ZNF253: variants seen among roughly 807,000 people sequenced by gnomAD.
ZNF253 encodes the protein DNA-binding protein.
ZNF253 carries 8 observed loss-of-function variants against 11.9 expected under a neutral mutation model. The ratio of observed to expected loss-of-function variants is 0.67; its 90% CI spans 0.40 to 1.22. The LOEUF (loss-of-function observed/expected upper bound fraction) is 1.22, where lower values mean the gene tolerates loss of function less well. ZNF253 is among the 50% of genes most tolerant of loss of function. ZNF253 has a pLI of 0.01. For synonymous variants in ZNF253, 194 were observed against 194.9 expected, an observed-to-expected ratio of 1.00 and a Z score of 0.04; for missense variants, 485 against 586.9, an observed-to-expected ratio of 0.83 and a Z score of 1.79.
chr19:19,871,988 A>C (rs185934468), intron 1 of ZNF253, among the ~76,000 whole-genome samples: 1 of 152,128 alleles, frequency 6.6e-6, no homozygotes, highest in African/African-American at 2.4e-5. Context: ...AGCAAAGTGC[A>C]TGCTGTCCCC....
At chr19:19,872,561 C>CTATGTATATATATATATATA (rs2063137771) in intron 1 of ZNF253, among the ~76,000 whole-genome samples, 1 of 121,996 alleles carries the variant, frequency 8.2e-6, no homozygotes, top group Non-Finnish European at 1.6e-5. Context: ...TAAACCATAA[C>CTATGTATATATATATATATA]TATATATATA....
chr19:19,881,756 A>G lies in ZNF253; in HGVS notation c.226+1610A>G, dbSNP rs868852471. ...TTTATTAGTTTAGACAGGGTTTAAT[A>G]TACTGTTTATGGTTTTTTAAATATG... On this transcript the variant is annotated intron_variant, in intron 3 of 3. Transcript: ENST00000589717. Among the ~76,000 whole-genome samples the G allele has an allele frequency of 3.9e-5, 6 of 152,098 alleles. No individual in the cohort carries two copies. In the South Asian group the frequency reaches 1.2e-3, roughly 32 times the overall value.
intron 1 of ZNF253, among the ~76,000 whole-genome samples, chr19:19,869,885 G>T (rs1400991843): frequency 6.6e-6 from 1 of 151,428 alleles, no homozygotes; most frequent in Middle Eastern, 3.2e-3. Flanking sequence ...TGGTCAGACT[G>T]GTCTCGAACT....
At chr19:19,874,549 G>A (rs2063146751) in intron 1 of ZNF253, among the ~76,000 whole-genome samples, 2 of 150,328 alleles carry the variant, frequency 1.3e-5, no homozygotes, top group African/African-American at 4.9e-5. Context: ...AAAACCTTTG[G>A]GGATTTGTTT....
intron 1 of ZNF253, among the ~76,000 whole-genome samples, chr19:19,872,584 TA>T (rs1281641016): frequency 6.9e-5 from 5 of 72,828 alleles, no homozygotes; most frequent in African/African-American, 1.4e-4. Context: ...TATATATTAT[TA>T]TATATATATA....
intron 3 of ZNF253, among the ~76,000 whole-genome samples, chr19:19,890,502 G>GTA (rs1468934754): frequency 8.2e-6 from 1 of 122,342 alleles, no homozygotes; most frequent in Non-Finnish European, 1.8e-5. Flanking sequence ...TTATATTTGT[G>GTA]TGTGTGTGTG....
At position 19,878,363 on chromosome 19, in the gene ZNF253, ATT is replaced by A; in HGVS notation, c.4-115_4-114del. 4 of 1,550,498 alleles carry A rather than the reference ATT, an allele frequency of 2.6e-6. No homozygotes were observed. The Admixed American group carries it at 7.5e-5, about 29-fold the overall frequency. ...GGGTTGAAAAATATTTTATTGGATAATTTTAGGCAGTCCTTTGAGTCAGAACC... is the reference window on the plus strand; with the variant it reads ...GGGTTGAAAAATATTTTATTGGATAATTAGGCAGTCCTTTGAGTCAGAACC... On this transcript the variant is annotated intron_variant, in intron 1 of 3. Coordinates refer to ENST00000589717, the MANE Select transcript of ZNF253 (RefSeq NM_021047.3).
intron 3 of ZNF253, among the ~76,000 whole-genome samples, chr19:19,890,427 C>T (rs1599559403): frequency 1.3e-5 from 2 of 151,088 alleles, no homozygotes; most frequent in Admixed American, 6.6e-5. Flanking sequence ...TCATAGATGC[C>T]AGAAATAAAG....
At chr19:19,890,498 T>TTGTG (rs35114806) in intron 3 of ZNF253, among the ~76,000 whole-genome samples, 9,765 of 140,908 alleles carry the variant, frequency 0.069, 449 homozygotes, top group East Asian at 0.15. Flanking sequence ...CAATTTATAT[T>TTGTG]TGTGTGTGTG....
rs373925558 is a variant in ZNF253, at chr19:19,869,300, A to G, written c.3+3301A>G. On this transcript the variant is annotated intron_variant, in intron 1 of 3. Transcript: ENST00000589717. ...AGTCTGTAGTTGTATCTTGCTTTCT[A>G]TTTATTACTTCAGAACAATTAGGAT... Among the ~76,000 whole-genome samples, 5 of 152,286 alleles carry G rather than the reference A, an allele frequency of 3.3e-5. No individual in the cohort carries two copies. The East Asian group carries it at 9.6e-4, about 29-fold the overall frequency.
At chr19:19,881,331 G>A (rs1599554540) in intron 3 of ZNF253, among the ~76,000 whole-genome samples, 1 of 151,776 alleles carries the variant, frequency 6.6e-6, no homozygotes, top group African/African-American at 2.4e-5. Context: ...GTAGCTGGGC[G>A]CAGTTTAAGT....
Position 19,891,829 on chromosome 19 carries a change from T to C in ZNF253, c.582T>C (p.His194=), listed in dbSNP as rs1945054109. The C allele has an allele frequency of 6.2e-7, 1 of 1,614,182 alleles. No individual in the cohort carries two copies. The highest frequency in any genetic ancestry group is 8.5e-7 in the Non-Finnish European group (1 of 1,180,022). ...SSTLTTHKKI[H]TGEKPYRCEE... ...CCCTTACTACACATAAGAAAATTCA[T>C]ACTGGAGAGAAACCTTACAGATGTG... is the stretch of plus-strand genomic sequence containing the variant. Residue 194 remains histidine (H), a synonymous_variant, in exon 4 of 4, where the codon CAT becomes CAC. Transcript: ENST00000589717.
chr19:19,869,331 T>C (rs1309701958), intron 1 of ZNF253, among the ~76,000 whole-genome samples: 1 of 152,160 alleles, frequency 6.6e-6, no homozygotes, highest in Non-Finnish European at 1.5e-5. Context: ...AGGATAGTTA[T>C]GTGTAGGGTT....
Position 19,892,258 on chromosome 19 carries a change from G to C in ZNF253, c.1011G>C (p.Glu337Asp). The change falls in exon 4 of 4, where the codon GAG becomes GAC. Residue 337 changes from glutamate (E) to aspartate (D), a missense_variant. By Grantham distance (45) the Glu-to-Asp change is conservative. Around this residue, in one of 3 missense-constraint regions of ZNF253, gnomAD observed 232 missense variants for 321.4 expected, o/e 0.72. Coordinates refer to ENST00000589717, the MANE Select transcript of ZNF253 (RefSeq NM_021047.3). ...LTIHKRIHTG[E>D]KPYKCEECGK... The stretch of plus-strand genomic sequence containing the variant: ...TACATAAGAGAATTCATACAGGAGA[G>C]AAACCCTACAAATGTGAAGAATGTG... The C allele has an allele frequency of 6.2e-7, 1 of 1,613,914 alleles. No individual in the cohort carries two copies. The highest frequency in any genetic ancestry group is 2.2e-5 in the East Asian group (1 of 44,862).
intron 3 of ZNF253, among the ~76,000 whole-genome samples, chr19:19,884,086 A>G (rs914163980): frequency 2.4e-4 from 36 of 151,816 alleles, no homozygotes; most frequent in Middle Eastern, 3.4e-3. Flanking sequence ...GATACCTCAT[A>G]TAAGTGGAAT....
intron 3 of ZNF253, among the ~76,000 whole-genome samples, chr19:19,884,474 C>G (rs117689945): frequency 0.12 from 18,776 of 151,904 alleles, 1,448 homozygotes; most frequent in South Asian, 0.19. Context: ...GGGGTTCAAG[C>G]GATTCTCCTA....
chr19:19,891,810 C>T lies in ZNF253; in HGVS notation c.563C>T (p.Thr188Ile), dbSNP rs1200090858. The part of the protein sequence containing the change: ...GKAFKRSSTL[T>I]THKKIHTGEK... ...GCTTTTAAACGGTCCTCAACCCTTACTACACATAAGAAAATTCATACTGGA... is the reference window on the plus strand; with the variant it reads ...GCTTTTAAACGGTCCTCAACCCTTATTACACATAAGAAAATTCATACTGGA... The change falls in exon 4 of 4, where the codon ACT (threonine) becomes ATT (isoleucine). Residue 188 changes from threonine to isoleucine, a missense_variant. Physicochemically the swap from Thr to Ile is moderately conservative, Grantham distance 89. This residue lies in a region of ZNF253 where 218 missense variants were observed against 213.1 expected (regional missense o/e 1.02). Transcript: ENST00000589717. 2 of 1,614,022 alleles carry T rather than the reference C, an allele frequency of 1.2e-6. No homozygotes were observed. Among genetic ancestry groups the T allele is most frequent in the African/African-American group, 2.7e-5 (2 of 74,934 alleles).
chr19:19,876,195 T>C (rs1436758185), intron 1 of ZNF253, among the ~76,000 whole-genome samples: 1 of 152,220 alleles, frequency 6.6e-6, no homozygotes, highest in Non-Finnish European at 1.5e-5. Context: ...AACATCAGCA[T>C]TGACAGAGAA....
At chr19:19,877,595 G>A (rs1241531689) in intron 1 of ZNF253, among the ~76,000 whole-genome samples, 2 of 152,112 alleles carry the variant, frequency 1.3e-5, no homozygotes, top group East Asian at 1.9e-4. Flanking sequence ...GGCTGGTCTC[G>A]AACTCCCGAC....
Sources: allele counts gnomAD v4.1 joint callset (sites outside exome capture counted in the v4.1 genomes callset), GRCh38; gene constraint gnomAD v4.1.1; regional missense constraint gnomAD v4.1.1; transcripts MANE v1.5; gene names NCBI Gene and HGNC (gene_info 2026-07-23, HGNC 2026-07-21).